Variants in FSTL4 observed in about 807,000 individuals in gnomAD.
The protein encoded by FSTL4 is follistatin like 4.
In FSTL4, 28 loss-of-function variants were observed where a neutral mutation model predicts 78.2. That is an observed-to-expected ratio of 0.36 (90% CI 0.27 to 0.49). The LOEUF is 0.49. FSTL4 is among the 20% of genes least tolerant of loss of function. The probability of loss-of-function intolerance (pLI) is 0.98; values close to 1 mark genes in which losing one functional copy is unlikely to be tolerated. For missense variants in FSTL4, 922 were observed against 1,084.9 expected (o/e 0.85, Z 2.11); for synonymous variants, 422 against 440.5 (o/e 0.96, Z 0.53).
intron 3 of FSTL4, among the ~76,000 whole-genome samples, chr5:133,555,294 T>A (rs1294466957): frequency 3.9e-5 from 6 of 152,254 alleles, no homozygotes; most frequent in African/African-American, 1.4e-4. Flanking sequence ...TTCTGTGTTT[T>A]CCCATTGGGT....
At chr5:133,384,355 G>A (rs1468246840) in intron 4 of FSTL4, among the ~76,000 whole-genome samples, 1 of 152,214 alleles carries the variant, frequency 6.6e-6, no homozygotes, top group Non-Finnish European at 1.5e-5. Context: ...GCGCCCTGAC[G>A]AAGGGCTGAC....
chr5:133,635,225 T>C, the FSTL4 span, among the ~76,000 whole-genome samples: 2 of 152,312 alleles, frequency 1.3e-5, no homozygotes, highest in East Asian at 3.9e-4. Context: ...ATGAGTCATA[T>C]GCATGATGTA....
intron 6 of FSTL4, among the ~76,000 whole-genome samples, chr5:133,295,516 T>C (rs1274736202): frequency 2.0e-5 from 3 of 152,218 alleles, no homozygotes; most frequent in Non-Finnish European, 4.4e-5. Context: ...TGTTCTTTGC[T>C]GCAAAACTCC....
At chr5:133,566,866 G>A (rs1760037863) in intron 3 of FSTL4, among the ~76,000 whole-genome samples, 1 of 152,186 alleles carries the variant, frequency 6.6e-6, no homozygotes, top group Non-Finnish European at 1.5e-5. Context: ...GCTTTGCTGG[G>A]TAAAACTAAT....
At chr5:133,430,894 T>C (rs1420531988) in intron 3 of FSTL4, among the ~76,000 whole-genome samples, 1 of 152,180 alleles carries the variant, frequency 6.6e-6, no homozygotes. Context: ...AAAGGACACC[T>C]TATACAAACA....
At chr5:133,721,724 A>C in the FSTL4 span, among the ~76,000 whole-genome samples, 1 of 152,016 alleles carries the variant, frequency 6.6e-6, no homozygotes, top group East Asian at 1.9e-4. Flanking sequence ...TTTGTCTTTA[A>C]CTTTTGACAA....
chr5:133,763,741 A>G, the FSTL4 span, among the ~76,000 whole-genome samples: 3 of 152,336 alleles, frequency 2.0e-5, no homozygotes, highest in East Asian at 5.8e-4. Context: ...CCATTCTTCA[A>G]AAAGAGAGAG....
intron 4 of FSTL4, among the ~76,000 whole-genome samples, chr5:133,346,712 A>G (rs1754704446): frequency 6.6e-6 from 1 of 152,090 alleles, no homozygotes; most frequent in South Asian, 2.1e-4. Flanking sequence ...TTCCTTTGGT[A>G]ATTTCCTGCT....
chr5:133,712,203 C>G, the FSTL4 span, among the ~76,000 whole-genome samples: 1 of 152,216 alleles, frequency 6.6e-6, no homozygotes, highest in Non-Finnish European at 1.5e-5. Flanking sequence ...CCCATTAGCT[C>G]TAATGGATGT....
intron 3 of FSTL4, among the ~76,000 whole-genome samples, chr5:133,510,030 G>C (rs1241755664): frequency 6.6e-6 from 1 of 152,224 alleles, no homozygotes; most frequent in South Asian, 2.1e-4. Flanking sequence ...CAATGATTTA[G>C]TGCCCACTGT....
At chr5:133,543,789 C>G (rs1759521877) in intron 3 of FSTL4, among the ~76,000 whole-genome samples, 1 of 151,776 alleles carries the variant, frequency 6.6e-6, no homozygotes, top group Non-Finnish European at 1.5e-5. Context: ...TACTAATATA[C>G]TTGAATTTAA....
intron 4 of FSTL4, among the ~76,000 whole-genome samples, chr5:133,382,640 T>C (rs867949248): frequency 3.3e-5 from 5 of 152,166 alleles, no homozygotes; most frequent in Admixed American, 6.5e-5. Flanking sequence ...AACGGTCAGA[T>C]GGCATGGTTC....
chr5:133,316,906 T>C (rs1037857403), intron 4 of FSTL4, among the ~76,000 whole-genome samples: 1 of 152,170 alleles, frequency 6.6e-6, no homozygotes, highest in African/African-American at 2.4e-5. Flanking sequence ...TGACAAATAT[T>C]TGTTGAGCAC....
the FSTL4 span, among the ~76,000 whole-genome samples, chr5:133,698,011 G>A: frequency 3.1e-4 from 47 of 152,182 alleles, no homozygotes; most frequent in Non-Finnish European, 6.0e-4. Context: ...ATTTTCTGGA[G>A]GGCAGATTCT....
chr5:133,571,477 G>A lies in FSTL4; in HGVS notation c.127-4258C>T, dbSNP rs191324660. 1.1e-4 allele frequency among the ~76,000 whole-genome samples: 17 copies of A among 152,250 alleles called. 1 individual carries two copies. The East Asian group carries it at 1.5e-3, about 14-fold the overall frequency. ...AGAGCCACATGTTATCCAGATCTTAGAATTCTTAGGCACAAGCTTTAGAAT... is the reference window on the plus strand; with the variant it reads ...AGAGCCACATGTTATCCAGATCTTAAAATTCTTAGGCACAAGCTTTAGAAT... On this transcript the variant is annotated intron_variant, in intron 2 of 15. Coordinates refer to ENST00000265342, the MANE Select transcript of FSTL4 (RefSeq NM_015082.2).
At chr5:133,449,360 G>A (rs1757334761) in intron 3 of FSTL4, among the ~76,000 whole-genome samples, 1 of 152,212 alleles carries the variant, frequency 6.6e-6, no homozygotes, top group Non-Finnish European at 1.5e-5. Context: ...GTGGCATCAG[G>A]CACCACACAG....
intron 6 of FSTL4, among the ~76,000 whole-genome samples, chr5:133,296,869 G>T (rs543261392): frequency 7.2e-5 from 11 of 152,220 alleles, no homozygotes; most frequent in Non-Finnish European, 1.3e-4. Context: ...CTGCCAGGAA[G>T]TATTTGTGTG....
intron 7 of FSTL4, 131 bp downstream of exon 7, chr5:133,249,279 A>G: frequency 4.3e-6 from 3 of 705,112 alleles, no homozygotes; most frequent in Non-Finnish European, 7.5e-6. Flanking sequence ...AGCTGACAAC[A>G]GGCTAGAAAA....
chr5:133,463,683 G>A (rs1256938594), intron 3 of FSTL4, among the ~76,000 whole-genome samples: 1 of 152,194 alleles, frequency 6.6e-6, no homozygotes, highest in African/African-American at 2.4e-5. Context: ...TTTTCATACA[G>A]CTATGAAGAT....
Sources: gnomAD v4.1 joint callset for allele counts (sites outside exome capture counted in the v4.1 genomes callset) on GRCh38, gnomAD v4.1.1 for gene constraint, MANE v1.5 for transcripts, NCBI Gene and HGNC (gene_info 2026-07-23, HGNC 2026-07-21) for gene names.